The following ME3 variants were observed in gnomAD, a reference collection of about 807,000 sequenced individuals.
ME3 encodes the protein malic enzyme 3.
ME3 carries 48 observed loss-of-function variants against 68.9 expected under a neutral mutation model. The observed-to-expected ratio is 0.70, with a 90% CI of 0.55 to 0.89. ME3 has a LOEUF of 0.89. ME3 is among the 40% of genes least tolerant of loss of function. The probability of loss-of-function intolerance (pLI) is 0.00; values close to 1 mark genes in which losing one functional copy is unlikely to be tolerated. For missense variants in ME3, 675 were observed against 797.4 expected (o/e 0.85, Z 1.85); for synonymous variants, 320 against 318.8 (o/e 1.00, Z -0.04).
intron 2 of ME3, among the ~76,000 whole-genome samples, chr11:86,659,976 A>G (rs1946173082): frequency 6.6e-6 from 1 of 152,142 alleles, no homozygotes; most frequent in Non-Finnish European, 1.5e-5. Context: ...AAATCCTGAG[A>G]CTACTGATGA....
chr11:86,485,051 T>C lies in ME3; in HGVS notation c.809+2286A>G, dbSNP rs113810911. ...AGCCATGCAACCTATCCTTGAACTC[T>C]TTCTGTGACAGGGAACTCATTCCCA... On this transcript the variant is annotated intron_variant, in intron 7 of 14. Transcript: ENST00000543262. Among the ~76,000 whole-genome samples the C allele has an allele frequency of 2.2e-3, 334 of 152,328 alleles. 2 individuals are homozygous for C. The highest frequency in any genetic ancestry group is 7.3e-3 in the African/African-American group (304 of 41,562).
intron 8 of ME3, among the ~76,000 whole-genome samples, chr11:86,463,408 G>C (rs536081435): frequency 3.8e-4 from 58 of 152,332 alleles, no homozygotes; most frequent in African/African-American, 1.4e-3. Flanking sequence ...ACTCCCACCT[G>C]CTGAGCTGAC....
intron 7 of ME3, among the ~76,000 whole-genome samples, chr11:86,471,183 G>A (rs190426446): frequency 0.035 from 3,625 of 104,240 alleles, 66 homozygotes; most frequent in Middle Eastern, 0.078. Context: ...ACAGAGTCTT[G>A]CTCTGTTACC....
At chr11:86,525,862 CAAA>C (rs774590648) in intron 4 of ME3, among the ~76,000 whole-genome samples, 7 of 102,620 alleles carry the variant, frequency 6.8e-5, no homozygotes, top group African/African-American at 6.9e-5. Context: ...AACTCTGTCT[CAAA>C]AAAAAAAAAA....
chr11:86,531,532 A>G (rs1468449368), intron 4 of ME3, among the ~76,000 whole-genome samples: 1 of 152,230 alleles, frequency 6.6e-6, no homozygotes, highest in Non-Finnish European at 1.5e-5. Flanking sequence ...TCATGCTGCT[A>G]TAAAGACACA....
intron 2 of ME3, among the ~76,000 whole-genome samples, chr11:86,573,791 T>G (rs556247558): frequency 5.8e-4 from 89 of 152,342 alleles, no homozygotes; most frequent in African/African-American, 2.0e-3. Flanking sequence ...TCTTATTATA[T>G]TGAGATATGT....
intron 2 of ME3, among the ~76,000 whole-genome samples, chr11:86,643,757 C>T (rs1470489143): frequency 6.6e-6 from 1 of 152,070 alleles, no homozygotes; most frequent in Non-Finnish European, 1.5e-5. Flanking sequence ...AGAGCAAGGA[C>T]CATGAACCCA....
intron 2 of ME3, among the ~76,000 whole-genome samples, chr11:86,657,482 C>T (rs574638509): frequency 1.4e-5 from 1 of 71,782 alleles, no homozygotes; most frequent in Non-Finnish European, 2.8e-5. Context: ...GGGTGTGGGG[C>T]AAGGGGAGGG....
intron 2 of ME3, among the ~76,000 whole-genome samples, chr11:86,582,581 A>T (rs1190787676): frequency 1.3e-5 from 2 of 152,212 alleles, no homozygotes; most frequent in East Asian, 3.8e-4. Context: ...AGGAGAGTGG[A>T]TAAGTGCTGA....
chr11:86,590,735 G>A (rs1302492937), intron 2 of ME3, among the ~76,000 whole-genome samples: 2 of 152,156 alleles, frequency 1.3e-5, no homozygotes, highest in African/African-American at 4.8e-5. Flanking sequence ...AGGCAGTGGG[G>A]AGCCACTGAA....
At chr11:86,582,391 A>G (rs2139615912) in intron 2 of ME3, among the ~76,000 whole-genome samples, 1 of 152,308 alleles carries the variant, frequency 6.6e-6, no homozygotes, top group South Asian at 2.1e-4. Context: ...CTTGGCCCCT[A>G]CCTGTAAATG....
At position 86,599,825 on chromosome 11, in the gene ME3, C is replaced by G. The variant is rs944936902; in HGVS notation, c.184-40002G>C. On this transcript the variant is annotated intron_variant, in intron 2 of 14. Transcript: ENST00000543262. ...CATTCTTAAAGAAAAGAATTTTCAA[C>G]CCAGAATTTCATATCCAGCCAAACT... Among the ~76,000 whole-genome samples the G allele has an allele frequency of 3.2e-4, 48 of 152,066 alleles. 1 individual carries two copies. The highest frequency in any genetic ancestry group is 5.6e-4 in the Non-Finnish European group (38 of 68,016).
intron 2 of ME3, among the ~76,000 whole-genome samples, chr11:86,652,772 A>G (rs1945545878): frequency 6.6e-6 from 1 of 152,234 alleles, no homozygotes; most frequent in Non-Finnish European, 1.5e-5. Context: ...AATGGGCTAA[A>G]TGCTCCAATT....
chr11:86,644,468 T>C (rs1391329685), intron 2 of ME3, among the ~76,000 whole-genome samples: 1 of 152,120 alleles, frequency 6.6e-6, no homozygotes, highest in Admixed American at 6.5e-5. Flanking sequence ...CCCTGAGCTC[T>C]TTCCACCCTG....
At chr11:86,560,748 G>GTATA (rs142056305) in intron 2 of ME3, among the ~76,000 whole-genome samples, 23 of 62,526 alleles carry the variant, frequency 3.7e-4, no homozygotes, top group East Asian at 2.7e-3. Context: ...GTGTGTGTGT[G>GTATA]TATATATATA....
At chr11:86,573,849 G>A (rs1184743740) in intron 2 of ME3, among the ~76,000 whole-genome samples, 3 of 152,132 alleles carry the variant, frequency 2.0e-5, no homozygotes, top group Admixed American at 6.5e-5. Flanking sequence ...AAAGGATGTT[G>A]AATTTTATTG....
At chr11:86,474,305 C>T (rs942303094) in intron 7 of ME3, among the ~76,000 whole-genome samples, 2 of 152,238 alleles carry the variant, frequency 1.3e-5, no homozygotes, top group African/African-American at 4.8e-5. Context: ...TCCTCAGTCA[C>T]AGCTCTGACG....
At chr11:86,459,579 C>T (rs1950123292) in intron 8 of ME3, among the ~76,000 whole-genome samples, 1 of 151,474 alleles carries the variant, frequency 6.6e-6, no homozygotes, top group Non-Finnish European at 1.5e-5. Context: ...CAGATGCTGG[C>T]CTTATAAAAA....
At chr11:86,465,394 A>C (rs950666573) in intron 7 of ME3, among the ~76,000 whole-genome samples, 194 bp from the exon 8 acceptor site, 2 of 152,096 alleles carry the variant, frequency 1.3e-5, no homozygotes, top group Admixed American at 1.3e-4. Context: ...ATCATGGATG[A>C]GGATGGGGAA....
Sources: allele counts gnomAD v4.1 joint callset (sites outside exome capture counted in the v4.1 genomes callset), GRCh38; gene constraint gnomAD v4.1.1; transcripts MANE v1.5; gene names NCBI Gene and HGNC (gene_info 2026-07-23, HGNC 2026-07-21).